The following DKC1 variants were observed in gnomAD, a reference collection of about 807,000 sequenced individuals.
DKC1 encodes the protein H/ACA ribonucleoprotein complex subunit DKC1.
A neutral mutation model predicts 46.7 loss-of-function variants in DKC1; 4 were observed. That is an observed-to-expected ratio of 0.09 (90% CI 0.04 to 0.20). DKC1 has a LOEUF of 0.20. Ranked by LOEUF, DKC1 falls within the 10% of genes least tolerant of loss-of-function variation. The pLI, the probability that DKC1 is intolerant of heterozygous loss-of-function variation, is 1.00. For missense variants in DKC1, 171 were observed against 404.2 expected (o/e 0.42, Z 4.95); for synonymous variants, 141 against 142.4 (o/e 0.99, Z 0.07).
At chrX:154,765,267 T>A in intron 2 of DKC1, 177 bp from the exon 3 acceptor site, 1 of 539,815 alleles carries the variant, frequency 1.9e-6, no homozygotes, top group Non-Finnish European at 3.3e-6. Context: ...TTAGTGACAT[T>A]TCACTTCCCC....
rs2071733946 is a variant in DKC1, at chrX:154,765,501, G to A, written c.142G>A (p.Asp48Asn). The change falls in exon 3 of 15, where the codon GAC becomes AAC. Residue 48 changes from aspartate (D) to asparagine (N), a missense_variant. Around this residue, in one of 4 missense-constraint regions of DKC1, gnomAD observed 41 missense variants for 117.3 expected, o/e 0.35. Coordinates refer to ENST00000369550, the MANE Select transcript of DKC1 (RefSeq NM_001363.5). ...ACCTGAATCCAAAGTTGCTAAGTTG[G>A]ACACGTCTCAGTGGCCCCTTTTGCT... is the stretch of plus-strand genomic sequence containing the variant. ...IKPESKVAKLDTSQWPLLLKN... is the reference protein window; with the variant it reads ...IKPESKVAKLNTSQWPLLLKN... 3.3e-6 allele frequency: 4 copies of A among 1,209,007 alleles called. No homozygotes were observed. Among genetic ancestry groups the A allele is most frequent in the Non-Finnish European group, 3.4e-6 (3 of 892,755 alleles).
chrX:154,769,127 C>T, intron 8 of DKC1, 40 bp from the exon 9 acceptor site: 1 of 1,168,430 alleles, frequency 8.6e-7, no homozygotes, highest in East Asian at 3.2e-5. Flanking sequence ...GGCTGAGATA[C>T]AAATAAACTG....
At chrX:154,773,830 C>T (rs782351160) in intron 11 of DKC1, among the ~76,000 whole-genome samples, 27 of 110,053 alleles carry the variant, frequency 2.5e-4, no homozygotes, top group African/African-American at 7.0e-4. Context: ...ACCTCCCAGA[C>T]GGGGTGGCGG....
chrX:154,775,059 CAGTA>C (rs1421336868), intron 12 of DKC1, 132 bp from the exon 13 acceptor site: 1 of 639,690 alleles, frequency 1.6e-6, no homozygotes, highest in Non-Finnish European at 2.7e-6. Flanking sequence ...CAGTCTGCAA[CAGTA>C]AGTGGTGAGT....
rs199422246 is a variant in DKC1 at position 154,767,020 on chromosome X, C to A, written c.472C>A (p.Arg158=). The change falls in exon 6 of 15, where the codon CGG becomes AGG. Residue 158 remains arginine (R), a synonymous_variant. Transcript: ENST00000369550. ...AGGCAAAGAGTATGTGGGGATTGTCCGGCTGCACAATGCTATTGAAGGGGG... is the reference window on the plus strand; with the variant it reads ...AGGCAAAGAGTATGTGGGGATTGTCAGGCTGCACAATGCTATTGAAGGGGG... ...SAGKEYVGIV[R]LHNAIEGGTQ... is the part of the protein sequence containing the mutation. 8.3e-7 allele frequency: 1 copy of A among 1,209,623 alleles called. No homozygotes were observed. Among genetic ancestry groups the A allele is most frequent in the South Asian group, 1.8e-5 (1 of 56,846 alleles).
chrX:154,767,397 C>T lies in DKC1; in HGVS notation c.640+15C>T. The T allele has an allele frequency of 3.3e-6, 4 of 1,210,323 alleles. No individual in the cohort carries two copies. The highest frequency in any genetic ancestry group is 4.5e-6 in the Non-Finnish European group (4 of 894,229). ...AAGAAGATTAGGTGAGTCATTAGGC[C>T]TGTGAGTGGGTATGAACACATTCTT... On this transcript the variant is annotated intron_variant, in intron 7 of 14. Coordinates refer to ENST00000369550, the MANE Select transcript of DKC1 (RefSeq NM_001363.5).
intron 9 of DKC1, among the ~76,000 whole-genome samples, chrX:154,770,485 A>AG (rs1469837783): frequency 5.4e-4 from 59 of 108,461 alleles, no homozygotes; most frequent in South Asian, 4.0e-4. Context: ...AAAAAAAAAA[A>AG]AAAAGAAAAT....
chrX:154,777,022 C>G lies in DKC1; in HGVS notation c.*155C>G. ...TACTTTGAGACCTCGGTGATGTTAC[C>G]TGGTGTGGTCATCCCATCTTGTCCT... On this transcript the variant is annotated 3_prime_UTR_variant, in exon 15 of 15. Transcript: ENST00000369550. 2.3e-6 allele frequency: 1 copy of G among 428,632 alleles called. No individual in the cohort carries two copies. The highest frequency in any genetic ancestry group is 3.8e-4 in the Middle Eastern group (1 of 2,635). The allele number at this position is 428,632 out of a possible 1,213,427, so 35.3% of individuals were successfully genotyped here.
At chrX:154,766,481 T>C in intron 5 of DKC1, 81 bp downstream of exon 5, 1 of 939,443 alleles carries the variant, frequency 1.1e-6, no homozygotes, top group Non-Finnish European at 1.5e-6. Flanking sequence ...TGCTGGAAAC[T>C]ATTTCTTCAT....
chrX:154,775,355 CTG>C (rs2071883422), intron 13 of DKC1, 82 bp downstream of exon 13: 2 of 936,169 alleles, frequency 2.1e-6, no homozygotes, highest in Non-Finnish European at 3.1e-6. Context: ...TACTTTGTGA[CTG>C]TCCGCAGTCC....
chrX:154,769,420 C>A, intron 9 of DKC1, 110 bp downstream of exon 9: 2 of 880,344 alleles, frequency 2.3e-6, no homozygotes, highest in Non-Finnish European at 3.3e-6. Flanking sequence ...AAGTCCAAAC[C>A]AAGTATATTA....
intron 1 of DKC1, 25 bp downstream of exon 1, chrX:154,763,006 G>T: frequency 8.5e-7 from 1 of 1,173,474 alleles, no homozygotes; most frequent in Non-Finnish European, 1.1e-6. Flanking sequence ...CTTCCGGGCC[G>T]TGCTAACTCC....
chrX:154,771,239 G>A (rs2071822991), intron 10 of DKC1, among the ~76,000 whole-genome samples: 1 of 87,442 alleles, frequency 1.1e-5, no homozygotes, highest in South Asian at 6.7e-4. Flanking sequence ...CACCCAGACT[G>A]CAGTGCAGAG....
Position 154,763,072 on chromosome X carries a change from C to G in DKC1, c.16+91C>G, listed in dbSNP as rs1220312146. The stretch of plus-strand genomic sequence containing the variant: ...GGTATCGGGGCCCGCGCACGCCTCC[C>G]TCTGGTTCCCGCCGGCGTGTCGGCC... On this transcript the variant is annotated intron_variant, in intron 1 of 14. Coordinates refer to ENST00000369550, the MANE Select transcript of DKC1 (RefSeq NM_001363.5). 121 of 1,038,398 alleles carry G rather than the reference C, an allele frequency of 1.2e-4. 1 individual carries two copies. Among genetic ancestry groups the G allele is most frequent in the Non-Finnish European group, 4.0e-6 (3 of 759,476 alleles). The allele number at this position is 1,038,398 out of a possible 1,213,427, so 85.6% of individuals were successfully genotyped here.
chrX:154,771,952 TA>T (rs1210687762), intron 10 of DKC1, among the ~76,000 whole-genome samples: 1 of 112,275 alleles, frequency 8.9e-6, no homozygotes, highest in African/African-American at 3.2e-5. Flanking sequence ...ATAGTGGTTA[TA>T]CTAATTTACA....
intron 1 of DKC1, among the ~76,000 whole-genome samples, chrX:154,763,777 C>T (rs911716839): frequency 2.7e-5 from 3 of 112,083 alleles, no homozygotes; most frequent in Non-Finnish European, 5.6e-5. Flanking sequence ...AGGCTTCAAA[C>T]CTGGACAGCA....
chrX:154,773,819 C>T (rs1202109564), intron 11 of DKC1, among the ~76,000 whole-genome samples: 1 of 112,505 alleles, frequency 8.9e-6, no homozygotes, highest in Non-Finnish European at 1.9e-5. Context: ...CTGTTGGGCA[C>T]ACCTCCCAGA....
Position 154,766,542 on chromosome X carries a change from C to T in DKC1, c.448+142C>T, listed in dbSNP as rs965116487. On this transcript the variant is annotated intron_variant, in intron 5 of 14. Transcript: ENST00000369550. ...AGGATATTGTTTTGGTTTCTGTGTA[C>T]GTTCTGTCCCCTGCCAGATCTTGGT... 4.7e-5 allele frequency: 28 copies of T among 590,716 alleles called. No homozygotes were observed. In the African/African-American group the frequency reaches 4.9e-4, roughly 10 times the overall value. The allele number at this position is 590,716 out of a possible 1,213,427, so 48.7% of individuals were successfully genotyped here.
chrX:154,765,410 A>C (rs1265861795), intron 2 of DKC1, 34 bp from the exon 3 acceptor site: 3 of 1,097,162 alleles, frequency 2.7e-6, no homozygotes, highest in Non-Finnish European at 3.8e-6. Flanking sequence ...ATCGGGTGGG[A>C]AGTTTAATAG....
Sources: gnomAD v4.1 joint callset for allele counts (sites outside exome capture counted in the v4.1 genomes callset) on GRCh38, gnomAD v4.1.1 for gene constraint, gnomAD v4.1.1 regional missense constraint, MANE v1.5 for transcripts, NCBI Gene and HGNC (gene_info 2026-07-23, HGNC 2026-07-21) for gene names.